CRBN: variants seen among roughly 807,000 people sequenced by gnomAD.
CRBN encodes protein cereblon.
CRBN carries 53 observed loss-of-function variants against 62.2 expected under a neutral mutation model. The ratio of observed to expected loss-of-function variants is 0.85; its 90% CI spans 0.68 to 1.07. The LOEUF (loss-of-function observed/expected upper bound fraction) is 1.07. CRBN is among the 50% of genes least tolerant of loss of function. The pLI, the probability that CRBN is intolerant of heterozygous loss-of-function variation, is 0.00. For missense variants in CRBN, 616 were observed against 531.1 expected (o/e 1.16, Z -1.57); for synonymous variants, 208 against 176.1 (o/e 1.18, Z -1.43).
chr3:3,168,443 TATC>T (rs1480161789), intron 4 of CRBN, among the ~76,000 whole-genome samples: 1 of 152,156 alleles, frequency 6.6e-6, no homozygotes, highest in East Asian at 1.9e-4. Context: ...TACTTGAGAA[TATC>T]ATAATTGCAA....
At position 3,150,029 on chromosome 3, in the gene CRBN, G is replaced by T. The variant is rs933179377; in HGVS notation, c.*836C>A. On this transcript the variant is annotated 3_prime_UTR_variant, in exon 11 of 11. Coordinates refer to ENST00000231948, the MANE Select transcript of CRBN (RefSeq NM_016302.4). Reference sequence around the variant, plus strand: ...GAACATGTTTAGTTTCACACTTAAGGTTTACTTACTTACAGATTTTCTTCA... The same window carrying T: ...GAACATGTTTAGTTTCACACTTAAGTTTTACTTACTTACAGATTTTCTTCA... 1.3e-5 allele frequency: 2 copies of T among 151,980 alleles called. No individual in the cohort carries two copies. The highest frequency in any genetic ancestry group is 2.9e-5 in the Non-Finnish European group (2 of 67,970). 9.4% of individuals were successfully genotyped at this position (151,980 alleles called of 1,614,324 possible).
intron 2 of CRBN, 82 bp from the exon 3 acceptor site, chr3:3,174,343 C>T: frequency 8.7e-7 from 1 of 1,142,992 alleles, no homozygotes; most frequent in South Asian, 1.3e-5. Context: ...GAGCAAATCA[C>T]ATTAAAAGAA....
At chr3:3,177,730 C>CT (rs1404865714) in intron 1 of CRBN, among the ~76,000 whole-genome samples, 3 of 152,074 alleles carry the variant, frequency 2.0e-5, no homozygotes, top group Non-Finnish European at 2.9e-5. Context: ...CTTTAGTAAC[C>CT]TTTTTTTCAT....
rs1706450458 is a variant in CRBN, at chr3:3,150,525, T to C, written c.*340A>G. ...ACATTGTAGGAATTTAAGATTTTTT[T>C]TTTTTTTAACACAGGAAATAATCTC... is the stretch of plus-strand genomic sequence containing the variant. On this transcript the variant is annotated 3_prime_UTR_variant, in exon 11 of 11. Coordinates refer to ENST00000231948, the MANE Select transcript of CRBN (RefSeq NM_016302.4). 1 of 211,174 alleles carries C rather than the reference T, an allele frequency of 4.7e-6. No homozygotes were observed. The allele number at this position is 211,174 out of a possible 1,614,324, so 13.1% of individuals were successfully genotyped here.
intron 7 of CRBN, chr3:3,154,485 A>G: frequency 2.0e-6 from 1 of 512,440 alleles, no homozygotes; most frequent in Non-Finnish European, 3.5e-6. Flanking sequence ...GTGTTTTTGG[A>G]TGACAGCCAC....
intron 4 of CRBN, 128 bp downstream of exon 4, chr3:3,172,643 ATACCT>A (rs1306439660): frequency 1.1e-6 from 1 of 926,394 alleles, no homozygotes; most frequent in African/African-American, 1.6e-5. Context: ...CCACTGGGCT[ATACCT>A]TAGAAGGGAA....
intron 5 of CRBN, chr3:3,156,876 A>T (rs928208526): frequency 2.0e-5 from 3 of 152,316 alleles, no homozygotes; most frequent in Non-Finnish European, 2.9e-5. Context: ...AAGTCCATAT[A>T]AAAATGTGAA....
At position 3,160,073 on chromosome 3, in the gene CRBN, G is replaced by A. The variant is rs563161622; in HGVS notation, c.688-3792C>T. On this transcript the variant is annotated intron_variant, in intron 5 of 10. Coordinates refer to ENST00000231948, the MANE Select transcript of CRBN (RefSeq NM_016302.4). ...CTGGGAACAGGATTTACTACTGAAA[G>A]CAGGCATAAAAGCCCTTAAAACGAA... is the stretch of plus-strand genomic sequence containing the variant. 5.1e-4 allele frequency among the ~76,000 whole-genome samples: 77 copies of A among 152,302 alleles called. 1 individual carries two copies. The Middle Eastern group carries it at 0.01, about 20-fold the overall frequency.
chr3:3,153,336 C>G (rs1182983870), intron 9 of CRBN, 88 bp downstream of exon 9: 3 of 806,940 alleles, frequency 3.7e-6, no homozygotes, highest in Non-Finnish European at 6.5e-6. Context: ...CTTTAAGGTA[C>G]TGGAGGAAAG....
chr3:3,161,533 CACCCG>C (rs1463475905), intron 5 of CRBN, among the ~76,000 whole-genome samples: 5 of 152,150 alleles, frequency 3.3e-5, no homozygotes, highest in African/African-American at 1.2e-4. Flanking sequence ...GGATTACAGG[CACCCG>C]CCACCATGCC....
At chr3:3,166,524 C>T (rs913154430) in intron 5 of CRBN, among the ~76,000 whole-genome samples, 2 of 152,190 alleles carry the variant, frequency 1.3e-5, no homozygotes, top group Non-Finnish European at 1.5e-5. Context: ...TATTACTAAA[C>T]GTTAAAAAAT....
chr3:3,165,038 C>G (rs768391996), intron 5 of CRBN, among the ~76,000 whole-genome samples: 8 of 152,070 alleles, frequency 5.3e-5, no homozygotes, highest in East Asian at 1.9e-4. Flanking sequence ...TCATGGATGA[C>G]GATTTTGAGG....
chr3:3,167,486 G>T, intron 5 of CRBN, 148 bp downstream of exon 5: 1 of 734,558 alleles, frequency 1.4e-6, no homozygotes, highest in Non-Finnish European at 2.2e-6. Flanking sequence ...AGCTGCCTGT[G>T]CAATTTTTAG....
chr3:3,167,464 T>G (rs1329550826), intron 5 of CRBN, 170 bp downstream of exon 5: 1 of 625,216 alleles, frequency 1.6e-6, no homozygotes, highest in Non-Finnish European at 2.8e-6. Context: ...GTAAACTGCT[T>G]TTACATAAAG....
intron 9 of CRBN, chr3:3,152,920 G>A (rs1311509056): frequency 5.8e-6 from 2 of 344,240 alleles, no homozygotes; most frequent in Non-Finnish European, 1.1e-5. Context: ...CAATGACAAG[G>A]TCCTGTGTGG....
chr3:3,171,586 T>A (rs77577391), intron 4 of CRBN, among the ~76,000 whole-genome samples: 7 of 152,100 alleles, frequency 4.6e-5, no homozygotes, highest in Non-Finnish European at 1.0e-4. Context: ...GAAAAGTACC[T>A]GGGGAGAACT....
rs1706460856 is a variant in CRBN, at chr3:3,150,652, G to A, written c.*213C>T. 2 of 496,130 alleles carry A rather than the reference G, an allele frequency of 4.0e-6. No homozygotes were observed. The highest frequency in any genetic ancestry group is 7.4e-5 in the East Asian group (2 of 27,184). The allele number at this position is 496,130 out of a possible 1,614,324, so 30.7% of individuals were successfully genotyped here. A position where few individuals can be genotyped will look rare whatever the true frequency, so the allele number is the denominator to read the frequency against. ...CAAGCTACCCAAGTAGATGTTTCTG[G>A]TATTCTAGACTGCCGTTCATGCTTG... On this transcript the variant is annotated 3_prime_UTR_variant, in exon 11 of 11. Transcript: ENST00000231948.
intron 10 of CRBN, among the ~76,000 whole-genome samples, chr3:3,151,916 G>T (rs1669343): frequency 2.0e-5 from 3 of 152,066 alleles, no homozygotes; most frequent in Non-Finnish European, 4.4e-5. Context: ...AACATTCTCC[G>T]GTTTTACATT....
At chr3:3,171,737 G>A (rs1428672087) in intron 4 of CRBN, among the ~76,000 whole-genome samples, 1 of 151,976 alleles carries the variant, frequency 6.6e-6, no homozygotes, top group Non-Finnish European at 1.5e-5. Flanking sequence ...CAGACAAAAC[G>A]TTCCTGCCCT....
Sources: gnomAD v4.1 joint callset for allele counts (sites outside exome capture counted in the v4.1 genomes callset) on GRCh38, gnomAD v4.1.1 for gene constraint, MANE v1.5 for transcripts, NCBI Gene and HGNC (gene_info 2026-07-23, HGNC 2026-07-21) for gene names.